Variants in FBXL4 observed in about 807,000 individuals in gnomAD.
FBXL4 encodes the protein F-box/LRR-repeat protein 4.
A neutral mutation model predicts 58.9 loss-of-function variants in FBXL4; 40 were observed. The ratio of observed to expected loss-of-function variants is 0.68; its 90% confidence interval spans 0.53 to 0.88. The LOEUF (loss-of-function observed/expected upper bound fraction) is 0.88, where lower values mean the gene tolerates loss of function less well. FBXL4 is among the 40% of genes least tolerant of loss of function. FBXL4 has a pLI of 0.00. For synonymous variants in FBXL4, 263 were observed against 265.5 expected, an observed-to-expected ratio of 0.99 and a Z score of 0.09; for missense variants, 676 against 734.4, an observed-to-expected ratio of 0.92 and a Z score of 0.92.
chr6:98,944,754 T>A (rs899157179), intron 1 of FBXL4, among the ~76,000 whole-genome samples: 1 of 152,178 alleles, frequency 6.6e-6, no homozygotes. Context: ...CAGACAGCTT[T>A]ATTTGCAGCC....
At chr6:98,911,460 C>T (rs1268655052) in intron 5 of FBXL4, among the ~76,000 whole-genome samples, 3 of 152,182 alleles carry the variant, frequency 2.0e-5, no homozygotes, top group African/African-American at 4.8e-5. Context: ...CCTCACACGG[C>T]CGGGTACTCC....
intron 7 of FBXL4, among the ~76,000 whole-genome samples, chr6:98,892,348 C>T (rs191177088): frequency 2.6e-5 from 4 of 152,108 alleles, no homozygotes; most frequent in African/African-American, 4.8e-5. Context: ...AATTTCTCAC[C>T]CTCGTCTTAG....
At chr6:98,908,425 G>GTA (rs1386031642) in intron 5 of FBXL4, among the ~76,000 whole-genome samples, 1 of 152,164 alleles carries the variant, frequency 6.6e-6, no homozygotes, top group Non-Finnish European at 1.5e-5. Flanking sequence ...CCTCATTGAT[G>GTA]TATGTCCTGC....
chr6:98,893,841 AGTTT>A (rs750467298), intron 7 of FBXL4, among the ~76,000 whole-genome samples: 6 of 152,164 alleles, frequency 3.9e-5, no homozygotes, highest in Non-Finnish European at 8.8e-5. Flanking sequence ...TCAAAATAAA[AGTTT>A]TTTTCAAGTA....
intron 2 of FBXL4, among the ~76,000 whole-genome samples, chr6:98,928,851 C>A (rs1410288757): frequency 6.6e-6 from 1 of 152,186 alleles, no homozygotes; most frequent in East Asian, 1.9e-4. Context: ...CAAGTTCTAA[C>A]CACTCTTCGT....
chr6:98,941,393 C>T (rs566097807), intron 1 of FBXL4, among the ~76,000 whole-genome samples: 15 of 151,532 alleles, frequency 9.9e-5, no homozygotes, highest in African/African-American at 3.7e-4. Context: ...TCAGTGATTG[C>T]CCAGGGTTAA....
chr6:98,902,545 T>G (rs1771653033), intron 6 of FBXL4, among the ~76,000 whole-genome samples: 1 of 152,082 alleles, frequency 6.6e-6, no homozygotes. Context: ...AAATACCTAA[T>G]AAAGTTCTCG....
intron 2 of FBXL4, among the ~76,000 whole-genome samples, chr6:98,932,283 A>T (rs1015721413): frequency 6.6e-6 from 1 of 152,228 alleles, no homozygotes; most frequent in Admixed American, 6.5e-5. Flanking sequence ...GAAATTCTCT[A>T]CACTGAACAT....
intron 6 of FBXL4, among the ~76,000 whole-genome samples, chr6:98,904,343 G>A (rs1410667103): frequency 1.3e-5 from 2 of 152,110 alleles, no homozygotes; most frequent in African/African-American, 4.8e-5. Context: ...TGCATCCATG[G>A]TTTCAACATG....
chr6:98,889,348 C>CCCCCT (rs1771143421), intron 7 of FBXL4, among the ~76,000 whole-genome samples: 1 of 152,104 alleles, frequency 6.6e-6, no homozygotes, highest in Admixed American at 6.5e-5. Flanking sequence ...CAAGTTTATT[C>CCCCCT]CCCCTAGTGT....
chr6:98,915,224 C>A (rs1294889287), intron 5 of FBXL4, among the ~76,000 whole-genome samples: 1 of 151,374 alleles, frequency 6.6e-6, no homozygotes. Context: ...GAATCAATAT[C>A]GTGAAAATGG....
At chr6:98,922,751 C>A (rs1285741424) in intron 4 of FBXL4, among the ~76,000 whole-genome samples, 1 of 152,148 alleles carries the variant, frequency 6.6e-6, no homozygotes, top group Non-Finnish European at 1.5e-5. Flanking sequence ...AAGCTCTTCA[C>A]TGGTTAATTT....
intron 4 of FBXL4, among the ~76,000 whole-genome samples, chr6:98,923,939 A>G (rs1304694363): frequency 1.3e-5 from 2 of 152,054 alleles, no homozygotes; most frequent in African/African-American, 4.8e-5. Flanking sequence ...TTTTTCTTAT[A>G]TCTTAATAAT....
At chr6:98,940,167 T>C (rs1773381048) in intron 1 of FBXL4, among the ~76,000 whole-genome samples, 1 of 152,228 alleles carries the variant, frequency 6.6e-6, no homozygotes, top group African/African-American at 2.4e-5. Context: ...TATCTACATA[T>C]ATTTTATTTA....
chr6:98,902,866 A>G (rs1374369819), intron 6 of FBXL4, among the ~76,000 whole-genome samples: 1 of 152,190 alleles, frequency 6.6e-6, no homozygotes, highest in Non-Finnish European at 1.5e-5. Context: ...AACAGTACTC[A>G]AAGTAATAAA....
chr6:98,935,303 TTTTG>T (rs1377625612), intron 1 of FBXL4, among the ~76,000 whole-genome samples: 1 of 151,782 alleles, frequency 6.6e-6, no homozygotes, highest in Non-Finnish European at 1.5e-5. Flanking sequence ...TGGAATGGTT[TTTTG>T]TTTTTTTTTT....
intron 5 of FBXL4, among the ~76,000 whole-genome samples, chr6:98,909,799 C>A (rs1175099724): frequency 6.6e-6 from 1 of 152,092 alleles, no homozygotes; most frequent in Non-Finnish European, 1.5e-5. Flanking sequence ...CAGTTTTGTC[C>A]AATCTGTGAA....
chr6:98,903,310 A>G (rs774485576), intron 6 of FBXL4, among the ~76,000 whole-genome samples: 3 of 152,130 alleles, frequency 2.0e-5, no homozygotes, highest in Non-Finnish European at 4.4e-5. Context: ...GGCCAACAGT[A>G]ATCAGTAGGC....
chr6:98,936,734 G>A (rs1290393997), intron 1 of FBXL4, among the ~76,000 whole-genome samples: 2 of 152,134 alleles, frequency 1.3e-5, no homozygotes, highest in Non-Finnish European at 2.9e-5. Context: ...AAGGCTTCCA[G>A]TCAACCATAG....
Sources: allele counts gnomAD v4.1 joint callset (sites outside exome capture counted in the v4.1 genomes callset), GRCh38; gene constraint gnomAD v4.1.1; transcripts MANE v1.5; gene names NCBI Gene and HGNC (gene_info 2026-07-23, HGNC 2026-07-21).